OPCML: variants seen among roughly 807,000 people sequenced by gnomAD.
The protein encoded by OPCML is opioid-binding protein/cell adhesion molecule.
OPCML carries 13 observed loss-of-function variants against 37.8 expected under a neutral mutation model. That is an observed-to-expected ratio of 0.34 (90% CI 0.22 to 0.55). The LOEUF (loss-of-function observed/expected upper bound fraction) is 0.55, where lower values mean the gene tolerates loss of function less well. Ranked by LOEUF, OPCML falls within the 20% of genes least tolerant of loss-of-function variation. OPCML has a pLI of 0.91. For missense variants in OPCML, 341 were observed against 435.6 expected, an observed-to-expected ratio of 0.78 and a Z score of 1.93; for synonymous variants, 176 against 168.8, an observed-to-expected ratio of 1.04 and a Z score of -0.33.
At chr11:133,495,138 C>T (rs1441246086) in intron 1 of OPCML, among the ~76,000 whole-genome samples, 1 of 152,094 alleles carries the variant, frequency 6.6e-6, no homozygotes, top group Non-Finnish European at 1.5e-5. Context: ...TCCTTTATAT[C>T]TGTGAGAACA....
intron 4 of OPCML, among the ~76,000 whole-genome samples, chr11:132,516,512 C>A (rs753191468): frequency 6.6e-6 from 1 of 152,098 alleles, no homozygotes; most frequent in African/African-American, 2.4e-5. Context: ...AAATGTAAGT[C>A]ATTTGTGTTC....
chr11:133,409,875 C>T (rs561121489), intron 1 of OPCML, among the ~76,000 whole-genome samples: 5 of 152,154 alleles, frequency 3.3e-5, no homozygotes, highest in Non-Finnish European at 5.9e-5. Flanking sequence ...ACAGAATACT[C>T]CATATTGTGT....
chr11:133,025,472 C>G (rs1947534743), intron 1 of OPCML: 1 of 985,400 alleles, frequency 1.0e-6, no homozygotes, highest in African/African-American at 1.7e-5. Context: ...TAACCCTTAA[C>G]TATTTGGTAA....
intron 4 of OPCML, among the ~76,000 whole-genome samples, chr11:132,527,263 G>A (rs2096310897): frequency 6.6e-6 from 1 of 152,130 alleles, no homozygotes; most frequent in Non-Finnish European, 1.5e-5. Flanking sequence ...TGGAATTGCT[G>A]GGTCGTACGC....
chr11:132,511,203 A>T (rs1195029412), intron 4 of OPCML, among the ~76,000 whole-genome samples: 2 of 152,158 alleles, frequency 1.3e-5, no homozygotes, highest in African/African-American at 4.8e-5. Context: ...AATTTCCTTT[A>T]TAATCATTCA....
At chr11:132,751,373 C>T (rs546801850) in intron 2 of OPCML, among the ~76,000 whole-genome samples, 2 of 152,184 alleles carry the variant, frequency 1.3e-5, no homozygotes, top group Non-Finnish European at 2.9e-5. Flanking sequence ...CAGCAGGGTG[C>T]TGCAGTGTGG....
At chr11:133,390,511 G>A (rs78818466) in intron 1 of OPCML, among the ~76,000 whole-genome samples, 3 of 152,232 alleles carry the variant, frequency 2.0e-5, no homozygotes, top group Non-Finnish European at 4.4e-5. Flanking sequence ...CTGCAAGTCT[G>A]AAGAAAAATA....
At chr11:133,190,176 G>A (rs941702959) in intron 1 of OPCML, among the ~76,000 whole-genome samples, 2 of 152,320 alleles carry the variant, frequency 1.3e-5, no homozygotes, top group South Asian at 2.1e-4. Flanking sequence ...GGAATTTGCT[G>A]TAAGCTATCA....
At chr11:132,504,130 T>G (rs977116564) in intron 4 of OPCML, among the ~76,000 whole-genome samples, 1 of 152,198 alleles carries the variant, frequency 6.6e-6, no homozygotes, top group Non-Finnish European at 1.5e-5. Context: ...AATAATCTAG[T>G]TCCTAAAATC....
In OPCML at chr11:133,435,355, T is replaced by C. The variant is rs1946212113; in HGVS notation, c.61+96909A>G. Reference sequence around the variant, plus strand: ...TCACCTAGGAGTGCTTTTCCCATAGTAGGCCCACATTTGTTGAAATGAGTA... The same window carrying C: ...TCACCTAGGAGTGCTTTTCCCATAGCAGGCCCACATTTGTTGAAATGAGTA... On this transcript the variant is annotated intron_variant, in intron 1 of 7. Transcript: ENST00000524381. 2.0e-5 allele frequency among the ~76,000 whole-genome samples: 3 copies of C among 152,166 alleles called. No homozygotes were observed. In the South Asian group the frequency reaches 6.2e-4, roughly 32 times the overall value.
intron 1 of OPCML, among the ~76,000 whole-genome samples, chr11:133,015,701 T>C (rs1947320326): frequency 6.6e-6 from 1 of 152,202 alleles, no homozygotes; most frequent in South Asian, 2.1e-4. Context: ...TTCCACATAC[T>C]GACTGTTGCC....
intron 2 of OPCML, among the ~76,000 whole-genome samples, chr11:132,833,371 C>G (rs779336302): frequency 4.0e-5 from 6 of 151,808 alleles, no homozygotes; most frequent in Non-Finnish European, 5.9e-5. Flanking sequence ...CCTTCACCTC[C>G]GTATCTCATC....
chr11:133,116,804 A>G (rs1271718413), intron 1 of OPCML, among the ~76,000 whole-genome samples: 2 of 149,646 alleles, frequency 1.3e-5, no homozygotes, highest in African/African-American at 5.0e-5. Context: ...TTAAAACTAT[A>G]CATATATATA....
chr11:133,281,269 T>C (rs1435980230), intron 1 of OPCML, among the ~76,000 whole-genome samples: 2 of 151,630 alleles, frequency 1.3e-5, no homozygotes, highest in African/African-American at 2.4e-5. Flanking sequence ...GTGGGAGGGG[T>C]TTTGATCATG....
chr11:133,354,739 C>T (rs756637559), intron 1 of OPCML, among the ~76,000 whole-genome samples: 1 of 152,164 alleles, frequency 6.6e-6, no homozygotes, highest in Non-Finnish European at 1.5e-5. Flanking sequence ...TCAACATATT[C>T]TTTTAAATCC....
In OPCML at chr11:132,437,070, C is replaced by T. The variant is rs557987950; in HGVS notation, c.643+152G>A. 7.5e-5 allele frequency: 101 copies of T among 1,346,224 alleles called. No homozygotes were observed. The African/African-American group carries it at 9.1e-4, about 12-fold the overall frequency. 83.4% of individuals were successfully genotyped at this position (1,346,224 alleles called of 1,614,324 possible). ...AGGAAGATTCCAGGGACAAATGGCA[C>T]GGAGGCCATGGTGGGCAAAGCCATC... On this transcript the variant is annotated intron_variant, in intron 5 of 7. Transcript: ENST00000524381.
chr11:133,479,290 G>A (rs1437646152), intron 1 of OPCML, among the ~76,000 whole-genome samples: 7 of 152,122 alleles, frequency 4.6e-5, no homozygotes, highest in South Asian at 2.1e-4. Context: ...GGATTCTCAC[G>A]CACAGTGGCA....
chr11:132,828,508 ACT>A (rs1940497915), intron 2 of OPCML, among the ~76,000 whole-genome samples: 2 of 151,842 alleles, frequency 1.3e-5, no homozygotes, highest in Admixed American at 6.6e-5. Context: ...ATAAGTAAGA[ACT>A]CTCTCTATTT....
At chr11:133,001,997 GACAA>G (rs1364710691) in intron 1 of OPCML, among the ~76,000 whole-genome samples, 1 of 152,144 alleles carries the variant, frequency 6.6e-6, no homozygotes, top group Non-Finnish European at 1.5e-5. Context: ...CTTAACTTTT[GACAA>G]ACAGAAAGAG....
Sources: allele counts gnomAD v4.1 joint callset (sites outside exome capture counted in the v4.1 genomes callset), GRCh38; gene constraint gnomAD v4.1.1; transcripts MANE v1.5; gene names NCBI Gene and HGNC (gene_info 2026-07-23, HGNC 2026-07-21).